MMP26: variants seen among roughly 807,000 people sequenced by gnomAD.
MMP26 encodes the protein matrix metallopeptidase 26.
Under a neutral mutation model 31.0 loss-of-function variants are expected in MMP26, and 33 were observed. The observed-to-expected ratio is 1.06, with a 90% CI of 0.81 to 1.42. The LOEUF (loss-of-function observed/expected upper bound fraction) is 1.42, where lower values mean the gene tolerates loss of function less well. MMP26 is among the 40% of genes most tolerant of loss of function. The pLI, the probability that MMP26 is intolerant of heterozygous loss-of-function variation, is 0.00. For synonymous variants in MMP26, 122 were observed against 114.9 expected, an observed-to-expected ratio of 1.06 and a Z score of -0.40; for missense variants, 347 against 316.1, an observed-to-expected ratio of 1.10 and a Z score of -0.74.
At chr11:4,971,863 G>C (rs952760151) in intron 2 of MMP26, among the ~76,000 whole-genome samples, 1 of 152,118 alleles carries the variant, frequency 6.6e-6, no homozygotes, top group African/African-American at 2.4e-5. Flanking sequence ...AACGAAAGAG[G>C]AAGAAGTAGC....
At chr11:4,858,112 C>G (rs528637920) in intron 2 of MMP26, among the ~76,000 whole-genome samples, 2 of 152,268 alleles carry the variant, frequency 1.3e-5, no homozygotes, top group Admixed American at 6.5e-5. Context: ...GACCCAGAGT[C>G]AATATCATAC....
chr11:4,816,990 G>A (rs71480726), intron 2 of MMP26, among the ~76,000 whole-genome samples: 15,453 of 151,560 alleles, frequency 0.1, 953 homozygotes, highest in Middle Eastern at 0.17. Flanking sequence ...GCCTTCTTTT[G>A]TAGTGGCACG....
At chr11:4,805,836 GT>G (rs897229880) in intron 2 of MMP26, among the ~76,000 whole-genome samples, 1 of 152,066 alleles carries the variant, frequency 6.6e-6, no homozygotes, top group Non-Finnish European at 1.5e-5. Context: ...CACTCTTTGA[GT>G]TTTTTGGTGA....
chr11:4,961,632 G>A (rs530209911), intron 2 of MMP26, among the ~76,000 whole-genome samples: 27 of 152,234 alleles, frequency 1.8e-4, no homozygotes, highest in Admixed American at 6.5e-4. Context: ...TGATGCAACC[G>A]TCCTGCAGAC....
chr11:4,781,553 C>CA (rs780005906), intron 2 of MMP26, among the ~76,000 whole-genome samples: 1 of 15,192 alleles, frequency 6.6e-5, no homozygotes, highest in Non-Finnish European at 9.4e-5. Context: ...GACTCCGTCT[C>CA]AAAAAAAAAA....
intron 1 of MMP26, among the ~76,000 whole-genome samples, chr11:4,708,524 A>G (rs1295886287): frequency 2.0e-5 from 3 of 152,200 alleles, no homozygotes; most frequent in Non-Finnish European, 2.9e-5. Flanking sequence ...GCACACACTA[A>G]CACTGTAGGT....
At chr11:4,842,488 A>G (rs750048510) in intron 2 of MMP26, among the ~76,000 whole-genome samples, 3 of 152,214 alleles carry the variant, frequency 2.0e-5, no homozygotes, top group Non-Finnish European at 4.4e-5. Context: ...ACGTCTTCAC[A>G]TGGTGACGGG....
intron 2 of MMP26, among the ~76,000 whole-genome samples, chr11:4,895,966 C>T (rs1850695707): frequency 6.6e-6 from 1 of 152,160 alleles, no homozygotes; most frequent in Admixed American, 6.6e-5. Context: ...TTCACAACTT[C>T]TCCAAGTTTT....
intron 2 of MMP26, chr11:4,787,770 T>G (rs867546976): frequency 6.6e-6 from 1 of 152,176 alleles, no homozygotes; most frequent in Non-Finnish European, 1.5e-5. Context: ...TTCTCTCCCA[T>G]GCCAACCCGT....
At chr11:4,734,953 G>A (rs1848220090) in intron 1 of MMP26, among the ~76,000 whole-genome samples, 1 of 152,220 alleles carries the variant, frequency 6.6e-6, no homozygotes, top group Non-Finnish European at 1.5e-5. Context: ...ACAGCTATGA[G>A]TGAGGGCTGG....
Position 4,926,982 on chromosome 11 carries a change from G to T in MMP26, c.-144-61086G>T, listed in dbSNP as rs183908095. Among the ~76,000 whole-genome samples, 3 of 152,264 alleles carry T rather than the reference G, an allele frequency of 2.0e-5. No individual in the cohort carries two copies. In the East Asian group the frequency reaches 5.8e-4, roughly 29 times the overall value. On this transcript the variant is annotated intron_variant, in intron 2 of 7. Coordinates refer to ENST00000380390, the MANE Select transcript of MMP26 (RefSeq NM_021801.5). ...GCTATTGTCCATTTTCTTCTCAATG[G>T]CACTTACCTCCAGATTAGTGGATCA...
chr11:4,958,524 ATCTATCTATCTG>A (rs1224602492), intron 2 of MMP26, among the ~76,000 whole-genome samples: 1 of 151,790 alleles, frequency 6.6e-6, no homozygotes, highest in Non-Finnish European at 1.5e-5. Flanking sequence ...CTCTTTTCAT[ATCTATCTATCTG>A]TCTATCTATC....
chr11:4,756,307 A>G (rs1848503788), intron 1 of MMP26, among the ~76,000 whole-genome samples: 1 of 152,012 alleles, frequency 6.6e-6, no homozygotes, highest in Non-Finnish European at 1.5e-5. Context: ...AAGGGCACAA[A>G]ATGAAAAGCC....
At chr11:4,839,551 CCTAG>C (rs1344912557) in intron 2 of MMP26, among the ~76,000 whole-genome samples, 1 of 151,648 alleles carries the variant, frequency 6.6e-6, no homozygotes. Flanking sequence ...TGTTCCAGAA[CCTAG>C]CTACCAGATG....
chr11:4,920,693 G>C (rs1851170662), intron 2 of MMP26, among the ~76,000 whole-genome samples: 1 of 152,096 alleles, frequency 6.6e-6, no homozygotes, highest in African/African-American at 2.4e-5. Flanking sequence ...AAGGACTTTT[G>C]TTTCATTTCT....
At chr11:4,849,526 T>TC (rs983593484) in intron 2 of MMP26, among the ~76,000 whole-genome samples, 1 of 152,200 alleles carries the variant, frequency 6.6e-6, no homozygotes, top group African/African-American at 2.4e-5. Flanking sequence ...TCCTATTTTT[T>TC]CCCTCCCTTT....
intron 1 of MMP26, among the ~76,000 whole-genome samples, chr11:4,716,249 A>G (rs11033505): frequency 0.03 from 4,570 of 152,356 alleles, 97 homozygotes; most frequent in Middle Eastern, 0.082. Flanking sequence ...GATCCTGAGT[A>G]GTGCACCTAC....
Position 4,861,950 on chromosome 11 carries a change from C to G in MMP26, c.-145+94609C>G, listed in dbSNP as rs189076849. Among the ~76,000 whole-genome samples, 6 of 152,232 alleles carry G rather than the reference C, an allele frequency of 3.9e-5. No homozygotes were observed. The East Asian group carries it at 9.6e-4, about 24-fold the overall frequency. On this transcript the variant is annotated intron_variant, in intron 2 of 7. Coordinates refer to ENST00000380390, the MANE Select transcript of MMP26 (RefSeq NM_021801.5). ...AAGATTCAACCCCTACCTACCTCTGCAGCACCAACTCACACCATTTACTCT... is the reference window on the plus strand; with the variant it reads ...AAGATTCAACCCCTACCTACCTCTGGAGCACCAACTCACACCATTTACTCT...
chr11:4,989,541 C>A, intron 3 of MMP26, 107 bp from the exon 4 acceptor site: 1 of 828,222 alleles, frequency 1.2e-6, no homozygotes, highest in Non-Finnish European at 1.9e-6. Flanking sequence ...GAAGGCCAGA[C>A]TAAGTACCGT....
Sources: gnomAD v4.1 joint callset for allele counts (sites outside exome capture counted in the v4.1 genomes callset) on GRCh38, gnomAD v4.1.1 for gene constraint, MANE v1.5 for transcripts, NCBI Gene and HGNC (gene_info 2026-07-23, HGNC 2026-07-21) for gene names.